Variants in ENOX2 observed in about 807,000 individuals in gnomAD.
ENOX2 encodes ecto-NOX disulfide-thiol exchanger 2, also known as APK1 antigen.
ENOX2 carries 36 observed loss-of-function variants against 45.0 expected under a neutral mutation model. That is an observed-to-expected ratio of 0.80 (90% CI 0.61 to 1.06). ENOX2 has a LOEUF of 1.06. Ranked by LOEUF, ENOX2 falls within the 50% of genes least tolerant of loss-of-function variation. The pLI, the probability that ENOX2 is intolerant of heterozygous loss-of-function variation, is 0.00. For synonymous variants in ENOX2, 174 were observed against 152.3 expected, an observed-to-expected ratio of 1.14 and a Z score of -1.05; for missense variants, 423 against 462.5, an observed-to-expected ratio of 0.91 and a Z score of 0.78.
chrX:130,664,769 G>A (rs2036788589), intron 9 of ENOX2, among the ~76,000 whole-genome samples: 2 of 112,285 alleles, frequency 1.8e-5, no homozygotes, highest in African/African-American at 6.5e-5. Context: ...GGCTCACACA[G>A]GTGAGATAAC....
At chrX:130,698,871 C>T (rs1196454308) in intron 4 of ENOX2, among the ~76,000 whole-genome samples, 1 of 111,862 alleles carries the variant, frequency 8.9e-6, no homozygotes, top group African/African-American at 3.3e-5. Flanking sequence ...ACAGTCAATA[C>T]AGTGGGGACA....
At chrX:130,801,121 G>A (rs772849280) in intron 2 of ENOX2, among the ~76,000 whole-genome samples, 1 of 111,462 alleles carries the variant, frequency 9.0e-6, no homozygotes, top group East Asian at 2.8e-4. Context: ...CAATGGTCAG[G>A]GACTGCACGC....
intron 3 of ENOX2, among the ~76,000 whole-genome samples, chrX:130,775,704 G>A (rs2039840795): frequency 9.0e-6 from 1 of 111,280 alleles, no homozygotes; most frequent in Non-Finnish European, 1.9e-5. Context: ...GTCTCATTAG[G>A]CCTTAGACAC....
At chrX:130,732,336 C>T (rs1005651911) in intron 3 of ENOX2, among the ~76,000 whole-genome samples, 1 of 111,234 alleles carries the variant, frequency 9.0e-6, no homozygotes, top group African/African-American at 3.3e-5. Flanking sequence ...AAAACATTGA[C>T]AAAAGTAATT....
intron 2 of ENOX2, among the ~76,000 whole-genome samples, chrX:130,901,448 T>C (rs2079142177): frequency 8.9e-6 from 1 of 112,856 alleles, no homozygotes; most frequent in Non-Finnish European, 1.9e-5. Context: ...GTATTTATGA[T>C]GATGACTAGG....
At chrX:130,638,358 G>A (rs761945628) in intron 10 of ENOX2, among the ~76,000 whole-genome samples, 2 of 109,350 alleles carry the variant, frequency 1.8e-5, no homozygotes, top group Non-Finnish European at 1.9e-5. Flanking sequence ...GAGCCACCAC[G>A]CCTGGCCCAA....
intron 3 of ENOX2, among the ~76,000 whole-genome samples, chrX:130,776,083 A>G (rs944556165): frequency 1.8e-4 from 20 of 111,317 alleles, no homozygotes; most frequent in African/African-American, 6.5e-4. Context: ...GCTAGCGAGG[A>G]CCTTACAGGT....
intron 13 of ENOX2, among the ~76,000 whole-genome samples, chrX:130,628,528 G>A (rs1476907108): frequency 8.9e-6 from 1 of 112,477 alleles, no homozygotes; most frequent in Non-Finnish European, 1.9e-5. Context: ...TTGCTGTTGT[G>A]GTAAAAGTAA....
At chrX:130,792,561 G>A (rs189477545) in intron 2 of ENOX2, among the ~76,000 whole-genome samples, 322 of 112,004 alleles carry the variant, frequency 2.9e-3, no homozygotes, top group African/African-American at 9.7e-3. Flanking sequence ...TTGGGAGGCC[G>A]AGGTGGGTGG....
intron 3 of ENOX2, among the ~76,000 whole-genome samples, chrX:130,730,927 A>C (rs2038724382): frequency 9.0e-6 from 1 of 111,517 alleles, no homozygotes; most frequent in South Asian, 3.8e-4. Context: ...TATCAGACTT[A>C]AGGTCTGTGT....
chrX:130,751,187 A>C (rs1417002335), intron 3 of ENOX2, among the ~76,000 whole-genome samples: 1 of 111,594 alleles, frequency 9.0e-6, no homozygotes, highest in Non-Finnish European at 1.9e-5. Context: ...GTACTCATTA[A>C]ACAGTTGTCC....
At chrX:130,789,814 A>G (rs914113306) in intron 2 of ENOX2, among the ~76,000 whole-genome samples, 7 of 112,230 alleles carry the variant, frequency 6.2e-5, no homozygotes, top group African/African-American at 2.3e-4. Context: ...ATGTTCTGGC[A>G]GGTGCTGTTG....
rs186993462 is a variant in ENOX2, at chrX:130,629,309, C to G, written c.1529-1266G>C. 4.0e-3 allele frequency among the ~76,000 whole-genome samples: 447 copies of G among 112,804 alleles called. 1 individual carries two copies. The highest frequency in any genetic ancestry group is 0.013 in the African/African-American group (416 of 31,108). ...TTGGCCAAGAAAGGCTGTCAAATGCCAAGAAATAACTCCAGAGGTTTAAAA... is the reference window on the plus strand; with the variant it reads ...TTGGCCAAGAAAGGCTGTCAAATGCGAAGAAATAACTCCAGAGGTTTAAAA... On this transcript the variant is annotated intron_variant, in intron 13 of 14. Transcript: ENST00000394363.
chrX:130,650,344 ATCT>A (rs1258451523), intron 10 of ENOX2, among the ~76,000 whole-genome samples: 1 of 111,978 alleles, frequency 8.9e-6, no homozygotes, highest in Non-Finnish European at 1.9e-5. Context: ...GCAGATAATA[ATCT>A]TCTCAGTTTG....
chrX:130,902,332 C>G (rs2079157011), intron 1 of ENOX2, among the ~76,000 whole-genome samples: 2 of 111,264 alleles, frequency 1.8e-5, no homozygotes, highest in South Asian at 3.8e-4. Flanking sequence ...GTCTAACTTG[C>G]CTTTTACTCT....
intron 2 of ENOX2, among the ~76,000 whole-genome samples, 194 bp downstream of exon 2, chrX:130,901,490 T>C (rs1428406237): frequency 1.8e-5 from 2 of 112,699 alleles, no homozygotes; most frequent in African/African-American, 3.2e-5. Flanking sequence ...TAGCAGTCAT[T>C]ATTGTCACCC....
At chrX:130,825,199 T>C (rs1352972761) in intron 2 of ENOX2, among the ~76,000 whole-genome samples, 1 of 111,909 alleles carries the variant, frequency 8.9e-6, no homozygotes, top group African/African-American at 3.2e-5. Flanking sequence ...TGAATGGATA[T>C]GTATAGTAAT....
In ENOX2 at chrX:130,895,538, A is replaced by G. The variant is rs138523470; in HGVS notation, c.-183+6146T>C. On this transcript the variant is annotated intron_variant, in intron 2 of 14. Coordinates refer to ENST00000394363, the MANE Select transcript of ENOX2 (RefSeq NM_006375.4). The stretch of plus-strand genomic sequence containing the variant: ...AAGTAACATTTTCCATAGTGTCTCA[A>G]TTCTCCTGAATGATTGCCATATTCA... Among the ~76,000 whole-genome samples the G allele has an allele frequency of 1.6e-3, 179 of 112,109 alleles. 1 individual carries two copies. In the East Asian group the frequency reaches 0.018, roughly 11 times the overall value.
chrX:130,856,642 G>A (rs955345952), intron 2 of ENOX2, among the ~76,000 whole-genome samples: 33 of 110,474 alleles, frequency 3.0e-4, no homozygotes, highest in African/African-American at 8.2e-4. Context: ...TAATTTCAAC[G>A]TCTATATATA....
Sources: allele counts gnomAD v4.1 joint callset (sites outside exome capture counted in the v4.1 genomes callset), GRCh38; gene constraint gnomAD v4.1.1; transcripts MANE v1.5; gene names NCBI Gene and HGNC (gene_info 2026-07-23, HGNC 2026-07-21).